The following ROBO2 variants were observed in gnomAD, a reference collection of about 807,000 sequenced individuals.
The protein encoded by ROBO2 is roundabout guidance receptor 2.
A neutral mutation model predicts 160.8 loss-of-function variants in ROBO2; 53 were observed. The observed-to-expected ratio is 0.33, with a 90% CI of 0.26 to 0.41. The LOEUF (loss-of-function observed/expected upper bound fraction) is 0.41. ROBO2 is among the 10% of genes least tolerant of loss of function. The pLI is 1.00. For synonymous variants in ROBO2, 664 were observed against 611.7 expected (o/e 1.09, Z -1.26); for missense variants, 1,577 against 1,722.4 (o/e 0.92, Z 1.49).
At chr3:76,834,820 T>C (rs1176914039) in intron 2 of ROBO2, among the ~76,000 whole-genome samples, 5 of 152,186 alleles carry the variant, frequency 3.3e-5, no homozygotes, top group Non-Finnish European at 7.3e-5. Flanking sequence ...CATGCAATCA[T>C]TTCATTGGCC....
At chr3:77,585,338 G>A (rs770399692) in intron 16 of ROBO2, among the ~76,000 whole-genome samples, 1 of 151,186 alleles carries the variant, frequency 6.6e-6, no homozygotes, top group African/African-American at 2.4e-5. Context: ...GTTATGCACT[G>A]AACAATTGAA....
At chr3:76,824,567 C>T (rs1183354711) in intron 2 of ROBO2, among the ~76,000 whole-genome samples, 1 of 152,072 alleles carries the variant, frequency 6.6e-6, no homozygotes. Context: ...GTCTCATTAC[C>T]TCTCCCATCT....
At chr3:77,420,123 AGAAATGACTT>A (rs1458870702) in intron 2 of ROBO2, among the ~76,000 whole-genome samples, 2 of 152,274 alleles carry the variant, frequency 1.3e-5, no homozygotes, top group East Asian at 3.9e-4. Flanking sequence ...TTTAACTTTA[AGAAATGACTT>A]CAGTAAGATG....
intron 2 of ROBO2, among the ~76,000 whole-genome samples, chr3:76,127,268 T>G (rs1282714585): frequency 1.3e-5 from 2 of 152,124 alleles, no homozygotes; most frequent in Non-Finnish European, 2.9e-5. Flanking sequence ...GCTGGAAAAT[T>G]TGCACTCTAA....
chr3:77,394,421 A>G (rs938222244), intron 2 of ROBO2, among the ~76,000 whole-genome samples: 12 of 152,158 alleles, frequency 7.9e-5, no homozygotes, highest in African/African-American at 1.9e-4. Context: ...TCCAGTTAAA[A>G]GACTGGTGAA....
intron 2 of ROBO2, among the ~76,000 whole-genome samples, chr3:76,018,956 A>G (rs2066484370): frequency 6.6e-6 from 1 of 151,176 alleles, no homozygotes; most frequent in African/African-American, 2.4e-5. Context: ...ATTCCTTCAA[A>G]TTGGCTAATA....
intron 2 of ROBO2, among the ~76,000 whole-genome samples, chr3:76,919,041 G>A (rs182166076): frequency 6.6e-6 from 1 of 150,634 alleles, no homozygotes; most frequent in East Asian, 2.0e-4. Context: ...TTGTAAATTT[G>A]CTTGAGTTCT....
chr3:77,186,154 A>G (rs896944850), intron 2 of ROBO2, among the ~76,000 whole-genome samples: 10 of 151,806 alleles, frequency 6.6e-5, no homozygotes, highest in Non-Finnish European at 1.0e-4. Flanking sequence ...ACCGAACACC[A>G]TCTCTTCCCA....
chr3:77,008,478 A>G (rs1420970558), intron 2 of ROBO2, among the ~76,000 whole-genome samples: 2 of 152,168 alleles, frequency 1.3e-5, no homozygotes, highest in East Asian at 1.9e-4. Flanking sequence ...CTTGTAATCA[A>G]TCACAGATAG....
intron 2 of ROBO2, among the ~76,000 whole-genome samples, chr3:77,021,127 G>C (rs2062605407): frequency 6.6e-6 from 1 of 152,070 alleles, no homozygotes; most frequent in African/African-American, 2.4e-5. Flanking sequence ...CATGAGCCTG[G>C]GAGGTCGAGG....
intron 2 of ROBO2, among the ~76,000 whole-genome samples, chr3:76,169,665 T>A (rs567629721): frequency 2.8e-4 from 42 of 152,154 alleles, no homozygotes; most frequent in Non-Finnish European, 6.2e-4. Flanking sequence ...TAATAAATAA[T>A]CATTGATAAT....
At chr3:77,202,496 G>T (rs139536033) in intron 2 of ROBO2, among the ~76,000 whole-genome samples, 1 of 152,110 alleles carries the variant, frequency 6.6e-6, no homozygotes, top group African/African-American at 2.4e-5. Context: ...AATGAGCTGG[G>T]AGGAGGTTGT....
At chr3:76,681,494 G>A (rs182698851) in intron 2 of ROBO2, among the ~76,000 whole-genome samples, 1 of 152,238 alleles carries the variant, frequency 6.6e-6, no homozygotes, top group Admixed American at 6.5e-5. Flanking sequence ...AAGTTAATTA[G>A]CAAGTGGCTG....
intron 2 of ROBO2, among the ~76,000 whole-genome samples, chr3:76,203,546 A>C (rs145874169): frequency 3.7e-5 from 1 of 27,090 alleles, no homozygotes; most frequent in Non-Finnish European, 8.6e-5. Context: ...CTTCCCCCAT[A>C]ATTTCTTCTC....
At chr3:77,139,427 C>T (rs566316051) in intron 2 of ROBO2, among the ~76,000 whole-genome samples, 1 of 152,136 alleles carries the variant, frequency 6.6e-6, no homozygotes, top group Non-Finnish European at 1.5e-5. Flanking sequence ...GTTCATCTAA[C>T]CAGCCATTTA....
chr3:75,949,026 T>G (rs1948436595), intron 2 of ROBO2, among the ~76,000 whole-genome samples: 1 of 152,106 alleles, frequency 6.6e-6, no homozygotes, highest in African/African-American at 2.4e-5. Flanking sequence ...GTGTAACTCT[T>G]ACACAAAGAT....
intron 6 of ROBO2, among the ~76,000 whole-genome samples, chr3:77,544,337 A>C (rs958032321): frequency 6.6e-6 from 1 of 152,038 alleles, no homozygotes; most frequent in African/African-American, 2.4e-5. Flanking sequence ...TGAAAATACA[A>C]GGCAACCTAT....
At chr3:77,466,761 C>A (rs1439458385) in intron 2 of ROBO2, among the ~76,000 whole-genome samples, 1 of 152,188 alleles carries the variant, frequency 6.6e-6, no homozygotes, top group African/African-American at 2.4e-5. Context: ...TACTTTGAGA[C>A]CCTGCCAATA....
At chr3:76,418,035 T>A (rs2075824647) in intron 2 of ROBO2, among the ~76,000 whole-genome samples, 1 of 151,936 alleles carries the variant, frequency 6.6e-6, no homozygotes, top group Admixed American at 6.6e-5. Flanking sequence ...AGTTAAGCTA[T>A]GAAAATAACC....
Sources: allele counts gnomAD v4.1 joint callset (sites outside exome capture counted in the v4.1 genomes callset), GRCh38; gene constraint gnomAD v4.1.1; transcripts MANE v1.5; gene names NCBI Gene and HGNC (gene_info 2026-07-23, HGNC 2026-07-21).